The following TLN2 variants were observed in gnomAD, a reference collection of about 807,000 sequenced individuals.
TLN2 encodes the protein talin 2, also known as talin-2.
Under a neutral mutation model 294.7 loss-of-function variants are expected in TLN2, and 118 were observed. The observed-to-expected ratio is 0.40, with a 90% CI of 0.34 to 0.47. The LOEUF is 0.47. Among genes scored for constraint, TLN2 ranks in the 20% least tolerant of loss-of-function variants. The pLI, the probability that TLN2 is intolerant of heterozygous loss-of-function variation, is 0.84. For synonymous variants in TLN2, 1,431 were observed against 1,304.5 expected (o/e 1.10, Z -2.09); for missense variants, 3,083 against 3,282.2 (o/e 0.94, Z 1.48).
chr15:62,539,253 A>G (rs1163151213), intron 1 of TLN2, among the ~76,000 whole-genome samples: 1 of 152,134 alleles, frequency 6.6e-6, no homozygotes, highest in Non-Finnish European at 1.5e-5. Flanking sequence ...TATACAGGTA[A>G]GATGTTGGGA....
chr15:62,710,947 C>A (rs1028997968), intron 21 of TLN2, among the ~76,000 whole-genome samples: 1 of 151,782 alleles, frequency 6.6e-6, no homozygotes, highest in African/African-American at 2.4e-5. Flanking sequence ...AGGATGGTCT[C>A]GATCTCCTGA....
At chr15:62,698,927 A>G (rs922232203) in intron 16 of TLN2, 60 bp downstream of exon 16, 11 of 1,487,082 alleles carry the variant, frequency 7.4e-6, no homozygotes, top group South Asian at 7.0e-5. Flanking sequence ...GCAGGGTTAT[A>G]TACTCTGTCG....
At chr15:62,775,208 G>A (rs1270159801) in intron 42 of TLN2, among the ~76,000 whole-genome samples, 4 of 150,638 alleles carry the variant, frequency 2.7e-5, no homozygotes, top group East Asian at 4.0e-4. Context: ...CACCTGCCTC[G>A]GCCTGAATTG....
chr15:62,461,676 C>T (rs1566992790), intron 1 of TLN2, among the ~76,000 whole-genome samples: 2 of 152,128 alleles, frequency 1.3e-5, no homozygotes, highest in Non-Finnish European at 2.9e-5. Flanking sequence ...GGGAGAGGAG[C>T]AGTTGTTTTG....
intron 45 of TLN2, among the ~76,000 whole-genome samples, chr15:62,792,423 T>TA (rs1457938378): frequency 6.6e-6 from 1 of 152,206 alleles, no homozygotes; most frequent in Non-Finnish European, 1.5e-5. Context: ...GACCTCAAGA[T>TA]ACAGCCTTGC....
chr15:62,483,418 G>A (rs891670885), intron 1 of TLN2, among the ~76,000 whole-genome samples: 18 of 152,168 alleles, frequency 1.2e-4, no homozygotes, highest in African/African-American at 4.1e-4. Flanking sequence ...CCTCTTTCGG[G>A]CCAGAACCAT....
chr15:62,833,487 T>C lies in TLN2; in HGVS notation c.7003-17T>C. On this transcript the variant is annotated splice_polypyrimidine_tract_variant and intron_variant, in intron 54 of 58. Coordinates refer to ENST00000636159, the MANE Select transcript of TLN2 (RefSeq NM_015059.3). ...TGGATATGAATTGAATGTGATGCTG[T>C]TTTCTTTTGGTTATAGCAAGCGGAT... The C allele has an allele frequency of 6.2e-7, 1 of 1,612,038 alleles. No homozygotes were observed. The highest frequency in any genetic ancestry group is 8.5e-7 in the Non-Finnish European group (1 of 1,178,806).
intron 1 of TLN2, among the ~76,000 whole-genome samples, chr15:62,524,750 A>G (rs1179075669): frequency 6.6e-6 from 1 of 152,188 alleles, no homozygotes; most frequent in Non-Finnish European, 1.5e-5. Context: ...TACATGCATT[A>G]TATGCTTGCT....
intron 2 of TLN2, among the ~76,000 whole-genome samples, chr15:62,598,343 T>C (rs758388600): frequency 4.6e-5 from 7 of 152,158 alleles, no homozygotes; most frequent in African/African-American, 7.2e-5. Flanking sequence ...GACACGTTCT[T>C]CCACAGATCT....
At chr15:62,426,098 A>T (rs1254353281) in intron 1 of TLN2, among the ~76,000 whole-genome samples, 1 of 152,034 alleles carries the variant, frequency 6.6e-6, no homozygotes, top group African/African-American at 2.4e-5. Context: ...CGTATCTCAC[A>T]TTTCCATGGA....
At chr15:62,418,485 G>A (rs1887172291) in intron 1 of TLN2, among the ~76,000 whole-genome samples, 1 of 152,156 alleles carries the variant, frequency 6.6e-6, no homozygotes, top group African/African-American at 2.4e-5. Context: ...TGTGGCTGGT[G>A]GGACTGGGGA....
chr15:62,397,945 T>G (rs775156895), intron 1 of TLN2, among the ~76,000 whole-genome samples: 103 of 152,314 alleles, frequency 6.8e-4, no homozygotes, highest in African/African-American at 2.4e-3. Context: ...AATGTGATTT[T>G]TGTAATCTTG....
intron 1 of TLN2, among the ~76,000 whole-genome samples, chr15:62,463,844 G>T (rs979278007): frequency 6.6e-5 from 10 of 152,124 alleles, no homozygotes; most frequent in African/African-American, 2.4e-4. Flanking sequence ...CTGAGATCGC[G>T]CCACTGCACT....
At chr15:62,678,292 A>G (rs1193624522) in intron 11 of TLN2, among the ~76,000 whole-genome samples, 1 of 152,192 alleles carries the variant, frequency 6.6e-6, no homozygotes, top group African/African-American at 2.4e-5. Context: ...AAAGTGGTAT[A>G]GCTAAAAAAT....
At chr15:62,600,594 T>C (rs114924042) in intron 2 of TLN2, among the ~76,000 whole-genome samples, 1 of 152,176 alleles carries the variant, frequency 6.6e-6, no homozygotes, top group African/African-American at 2.4e-5. Context: ...GGTCATGTGG[T>C]CTCACATGCT....
At chr15:62,600,642 T>A (rs1347692360) in intron 2 of TLN2, among the ~76,000 whole-genome samples, 2 of 152,334 alleles carry the variant, frequency 1.3e-5, no homozygotes, top group East Asian at 1.9e-4. Context: ...CTGCCAGATT[T>A]GTTTATTCAT....
At chr15:62,690,915 GAGGCAGGAGAATC>G (rs995573486) in intron 12 of TLN2, among the ~76,000 whole-genome samples, 5 of 150,924 alleles carry the variant, frequency 3.3e-5, no homozygotes, top group African/African-American at 1.2e-4. Context: ...TCGGCAGGCT[GAGGCAGGAGAATC>G]AGGCAGGGAG....
intron 1 of TLN2, among the ~76,000 whole-genome samples, chr15:62,454,687 AGGGCAAGAGCAT>A (rs1210128245): frequency 2.6e-5 from 4 of 152,048 alleles, no homozygotes; most frequent in African/African-American, 9.7e-5. Flanking sequence ...AGTGAGGGAG[AGGGCAAGAGCAT>A]GGGCAAGAGG....
chr15:62,691,493 G>A (rs2057908439), intron 12 of TLN2, among the ~76,000 whole-genome samples: 1 of 151,938 alleles, frequency 6.6e-6, no homozygotes. Context: ...TTTAAAATTT[G>A]CTGCAAGAGA....
Sources: gnomAD v4.1 joint callset for allele counts (sites outside exome capture counted in the v4.1 genomes callset) on GRCh38, gnomAD v4.1.1 for gene constraint, MANE v1.5 for transcripts, NCBI Gene and HGNC (gene_info 2026-07-23, HGNC 2026-07-21) for gene names.